Variants in TBC1D32 observed in about 807,000 individuals in gnomAD.
TBC1D32 encodes protein broad-minded.
TBC1D32 carries 151 observed loss-of-function variants against 170.3 expected under a neutral mutation model. The observed-to-expected ratio is 0.89, with a 90% CI of 0.78 to 1.01. TBC1D32 has a LOEUF of 1.01. TBC1D32 is among the 50% of genes least tolerant of loss of function. The pLI is 0.00. For synonymous variants in TBC1D32, 498 were observed against 488.0 expected (o/e 1.02, Z -0.27); for missense variants, 1,464 against 1,457.1 (o/e 1.00, Z -0.08).
chr6:121,091,495 C>G (rs6935956), intron 30 of TBC1D32, among the ~76,000 whole-genome samples: 6,172 of 152,128 alleles, frequency 0.041, 370 homozygotes, highest in African/African-American at 0.12. Flanking sequence ...CTTCCTGAAT[C>G]AGAAAACAAT....
chr6:121,323,708 A>C (rs1306265967), intron 1 of TBC1D32, among the ~76,000 whole-genome samples: 2 of 152,188 alleles, frequency 1.3e-5, no homozygotes, highest in African/African-American at 4.8e-5. Context: ...TTGGGAGGCC[A>C]ACGTGGGCGG....
intron 25 of TBC1D32, chr6:121,130,037 AAAGAAGACTCTTATAT>A (rs1781263682): frequency 2.7e-6 from 1 of 367,572 alleles, no homozygotes; most frequent in Non-Finnish European, 5.2e-6. Flanking sequence ...CCTTTTTTAA[AAAGAAGACTCTTATAT>A]AAGAAGACTT....
chr6:121,192,593 C>T (rs1790216880), intron 22 of TBC1D32: 1 of 152,150 alleles, frequency 6.6e-6, no homozygotes, highest in Non-Finnish European at 1.5e-5. Flanking sequence ...GCTCTTATGC[C>T]AGTGGCTGAC....
intron 22 of TBC1D32, among the ~76,000 whole-genome samples, chr6:121,178,662 T>C (rs975555235): frequency 1.3e-5 from 2 of 152,122 alleles, no homozygotes; most frequent in Non-Finnish European, 2.9e-5. Flanking sequence ...TCCTATGATA[T>C]GTCTCTAACC....
upstream of TBC1D32, chr6:121,334,560 C>A: frequency 8.8e-7 from 1 of 1,133,392 alleles, no homozygotes; most frequent in Non-Finnish European, 1.2e-6. Flanking sequence ...CCGCGGCGAG[C>A]GCCTGTGCCT....
intron 30 of TBC1D32, among the ~76,000 whole-genome samples, chr6:121,099,206 C>A (rs898181540): frequency 6.6e-6 from 1 of 151,634 alleles, no homozygotes; most frequent in Non-Finnish European, 1.5e-5. Context: ...GATAGTGACT[C>A]CAAGGAATTA....
At chr6:121,240,610 C>G (rs757827604) in intron 19 of TBC1D32, among the ~76,000 whole-genome samples, 4 of 151,186 alleles carry the variant, frequency 2.6e-5, no homozygotes, top group African/African-American at 9.7e-5. Flanking sequence ...ACATATTGGC[C>G]GGGTGCGGTG....
intron 22 of TBC1D32, among the ~76,000 whole-genome samples, chr6:121,181,232 T>C (rs1036543757): frequency 1.2e-4 from 18 of 152,162 alleles, no homozygotes; most frequent in African/African-American, 4.3e-4. Context: ...GGTTTGAATC[T>C]GTGTCCCCAC....
At chr6:121,254,044 T>A (rs1798644546) in intron 17 of TBC1D32, among the ~76,000 whole-genome samples, 1 of 151,758 alleles carries the variant, frequency 6.6e-6, no homozygotes, top group African/African-American at 2.4e-5. Context: ...TGCCATGGAA[T>A]ACTACTCAGT....
intron 12 of TBC1D32, among the ~76,000 whole-genome samples, chr6:121,289,432 T>C (rs1408186622): frequency 6.6e-6 from 1 of 152,094 alleles, no homozygotes; most frequent in Non-Finnish European, 1.5e-5. Context: ...TACCTAGGAA[T>C]CCAACTTACG....
Position 121,304,598 on chromosome 6 carries a change from G to A in TBC1D32, c.797C>T (p.Ser266Phe), listed in dbSNP as rs760514087. 3.1e-6 allele frequency: 5 copies of A among 1,609,554 alleles called. No individual in the cohort carries two copies. The highest frequency in any genetic ancestry group is 4.5e-5 in the East Asian group (2 of 44,696). The change falls in exon 7 of 32, where the codon TCT becomes TTT. Residue 266 changes from serine (S) to phenylalanine (F), a missense_variant. Transcript: ENST00000398212. ...AAGAGTAGGAATATGATTTTCCCTA[G>A]AAAGAAAGTATGACTCCAAATACTT... ...LAKYLESYFL[S>F]RENHIPTLSA...
chr6:121,255,474 T>C (rs1231209430), intron 16 of TBC1D32, 64 bp from the exon 17 acceptor site: 1 of 353,792 alleles, frequency 2.8e-6, no homozygotes, highest in Non-Finnish European at 4.7e-6. Flanking sequence ...TTATATTTTA[T>C]AATTATATTT....
chr6:121,128,778 T>A (rs981280071), intron 25 of TBC1D32, among the ~76,000 whole-genome samples: 1 of 152,196 alleles, frequency 6.6e-6, no homozygotes, highest in Admixed American at 6.6e-5. Flanking sequence ...GGGTATTGAT[T>A]CTACTTTCTC....
At chr6:121,126,530 C>A in intron 25 of TBC1D32, 69 bp from the exon 26 acceptor site, 1 of 1,153,612 alleles carries the variant, frequency 8.7e-7, no homozygotes, top group Non-Finnish European at 1.3e-6. Context: ...ATCCTTAAAT[C>A]ACAGAACTAG....
intron 30 of TBC1D32, among the ~76,000 whole-genome samples, chr6:121,105,141 C>T (rs1287864242): frequency 1.3e-5 from 2 of 151,746 alleles, no homozygotes; most frequent in Non-Finnish European, 2.9e-5. Flanking sequence ...TAATGACATT[C>T]AATTAGTTAA....
chr6:121,267,246 A>AC (rs1800653754), intron 15 of TBC1D32, among the ~76,000 whole-genome samples: 1 of 152,090 alleles, frequency 6.6e-6, no homozygotes, highest in African/African-American at 2.4e-5. Context: ...CAACTAAGGT[A>AC]CCAGATTCAT....
intron 20 of TBC1D32, among the ~76,000 whole-genome samples, chr6:121,233,735 G>A (rs921854088): frequency 6.6e-6 from 1 of 152,052 alleles, no homozygotes; most frequent in Admixed American, 6.6e-5. Context: ...GTGAGGTACT[G>A]TTCTATTCAT....
chr6:121,139,217 T>C (rs562244130), intron 24 of TBC1D32, among the ~76,000 whole-genome samples: 4 of 152,304 alleles, frequency 2.6e-5, no homozygotes, highest in African/African-American at 4.8e-5. Flanking sequence ...TGGGGGGAAT[T>C]AGTAATCCTA....
intron 22 of TBC1D32, among the ~76,000 whole-genome samples, chr6:121,177,238 G>T (rs1787891706): frequency 6.6e-6 from 1 of 152,094 alleles, no homozygotes; most frequent in Non-Finnish European, 1.5e-5. Flanking sequence ...TTTCTCAATG[G>T]TTTAGCACCA....
Sources: allele counts gnomAD v4.1 joint callset (sites outside exome capture counted in the v4.1 genomes callset), GRCh38; gene constraint gnomAD v4.1.1; transcripts MANE v1.5; gene names NCBI Gene and HGNC (gene_info 2026-07-23, HGNC 2026-07-21).